Variants in LPCAT2 observed in about 807,000 individuals in gnomAD.
The protein encoded by LPCAT2 is 1-AGP acyltransferase 11.
LPCAT2 carries 58 observed loss-of-function variants against 64.7 expected under a neutral mutation model. That is an observed-to-expected ratio of 0.90 (90% confidence interval 0.73 to 1.12). LPCAT2 has a LOEUF of 1.12. Among genes scored for constraint, LPCAT2 ranks in the 50% most tolerant of loss-of-function variants. The pLI, the probability that LPCAT2 is intolerant of heterozygous loss-of-function variation, is 0.00. For missense variants in LPCAT2, 579 were observed against 669.8 expected, an observed-to-expected ratio of 0.86 and a Z score of 1.50; for synonymous variants, 252 against 245.3, an observed-to-expected ratio of 1.03 and a Z score of -0.26.
chr16:55,573,151 G>C (rs181737153), intron 11 of LPCAT2, among the ~76,000 whole-genome samples: 1 of 152,288 alleles, frequency 6.6e-6, no homozygotes, highest in Admixed American at 6.5e-5. Flanking sequence ...AAGTAATATG[G>C]TGAAAATGAT....
At chr16:55,517,513 A>C (rs1446488113) in intron 1 of LPCAT2, among the ~76,000 whole-genome samples, 3 of 152,130 alleles carry the variant, frequency 2.0e-5, no homozygotes, top group Non-Finnish European at 4.4e-5. Flanking sequence ...CTACTCTGAT[A>C]CCAAAACCAA....
intron 4 of LPCAT2, among the ~76,000 whole-genome samples, chr16:55,531,142 C>A (rs1485117698): frequency 6.6e-6 from 1 of 152,098 alleles, no homozygotes; most frequent in Admixed American, 6.5e-5. Flanking sequence ...TTATAAATAA[C>A]CTGTTATTGT....
chr16:55,527,767 G>C (rs1963192744), intron 2 of LPCAT2, among the ~76,000 whole-genome samples: 1 of 152,134 alleles, frequency 6.6e-6, no homozygotes, highest in Non-Finnish European at 1.5e-5. Flanking sequence ...CTCTGTTCCA[G>C]GGAAGTGAGA....
chr16:55,545,590 C>A lies in LPCAT2; in HGVS notation c.853-145C>A. On this transcript the variant is annotated intron_variant, in intron 8 of 13. Transcript: ENST00000262134. Reference sequence around the variant, plus strand: ...GGCTTAGAAACAGATCTCCTGAGTACAAGCCCAGTGCCCCATTACCTCATA... The same window carrying A: ...GGCTTAGAAACAGATCTCCTGAGTAAAAGCCCAGTGCCCCATTACCTCATA... 5.2e-6 allele frequency: 3 copies of A among 576,702 alleles called. No individual in the cohort carries two copies. In the South Asian group the frequency reaches 7.6e-5, roughly 15 times the overall value. 35.7% of individuals were successfully genotyped at this position (576,702 alleles called of 1,614,324 possible). A position where few individuals can be genotyped will look rare whatever the true frequency, so the allele number is the denominator to read the frequency against.
At chr16:55,515,346 A>G (rs924708329) in intron 1 of LPCAT2, among the ~76,000 whole-genome samples, 54 of 152,156 alleles carry the variant, frequency 3.5e-4, no homozygotes, top group Admixed American at 9.8e-4. Context: ...ACATATTCAA[A>G]GCGCTGAAAG....
chr16:55,578,886 C>A, intron 12 of LPCAT2: 1 of 455,952 alleles, frequency 2.2e-6, no homozygotes, highest in Non-Finnish European at 3.9e-6. Flanking sequence ...TCCCCTGTCC[C>A]TTTGTACTAT....
At chr16:55,574,824 A>AT in intron 12 of LPCAT2, 95 bp downstream of exon 12, 1 of 891,196 alleles carries the variant, frequency 1.1e-6, no homozygotes, top group South Asian at 1.4e-5. Flanking sequence ...CTATTATGTG[A>AT]TTTTATAGAT....
At chr16:55,534,253 A>C (rs1280951665) in intron 6 of LPCAT2, among the ~76,000 whole-genome samples, 190 bp from the exon 7 acceptor site, 1 of 152,166 alleles carries the variant, frequency 6.6e-6, no homozygotes, top group East Asian at 1.9e-4. Context: ...GATCTTTGCT[A>C]TGTAGATATG....
chr16:55,546,410 T>A (rs1440478990), intron 9 of LPCAT2, among the ~76,000 whole-genome samples: 1 of 152,168 alleles, frequency 6.6e-6, no homozygotes, highest in Admixed American at 6.5e-5. Context: ...CCAGGTAGCC[T>A]CAGAGCCCTC....
intron 9 of LPCAT2, among the ~76,000 whole-genome samples, chr16:55,546,334 A>AT (rs1963453077): frequency 6.6e-6 from 1 of 152,240 alleles, no homozygotes; most frequent in Non-Finnish European, 1.5e-5. Flanking sequence ...CTAACTGGCC[A>AT]TTATTCTGAC....
At chr16:55,554,468 T>C (rs764943321) in intron 11 of LPCAT2, among the ~76,000 whole-genome samples, 9 of 152,194 alleles carry the variant, frequency 5.9e-5, no homozygotes, top group Non-Finnish European at 1.2e-4. Context: ...TGCAGCTCCC[T>C]CACCTCTCAG....
intron 7 of LPCAT2, 110 bp downstream of exon 7, chr16:55,534,587 A>G (rs1360246735): frequency 5.9e-6 from 3 of 508,004 alleles, no homozygotes; most frequent in Non-Finnish European, 6.8e-6. Context: ...ATATTGTTAT[A>G]TTTAAAAACA....
intron 11 of LPCAT2, among the ~76,000 whole-genome samples, chr16:55,570,218 C>T (rs1963754039): frequency 1.3e-5 from 2 of 152,052 alleles, no homozygotes; most frequent in African/African-American, 4.8e-5. Context: ...AGCAAACTAC[C>T]AGAAACATTC....
At position 55,582,987 on chromosome 16, in the gene LPCAT2, G is replaced by T; in HGVS notation, c.1524G>T (p.Thr508=). The T allele has an allele frequency of 6.2e-7, 1 of 1,613,578 alleles. No homozygotes were observed. The highest frequency in any genetic ancestry group is 8.5e-7 in the Non-Finnish European group (1 of 1,179,702). ...TTACAACATACCTAGACCTCCAGAC[G>T]TGCCATGTGTTTTCATTACCAAAAG... ...KIFTTYLDLQ[T]CHVFSLPKEV... is the part of the protein sequence containing the mutation. Residue 508 remains threonine (T), a synonymous_variant, in exon 14 of 14, where the codon ACG becomes ACT. Transcript: ENST00000262134.
chr16:55,563,042 G>T (rs58109914), intron 11 of LPCAT2, among the ~76,000 whole-genome samples: 13,314 of 151,782 alleles, frequency 0.088, 830 homozygotes, highest in African/African-American at 0.17. Flanking sequence ...AGAAATGAAA[G>T]AGAAGACATT....
At chr16:55,528,879 A>G (rs890803373) in intron 3 of LPCAT2, among the ~76,000 whole-genome samples, 1 of 152,152 alleles carries the variant, frequency 6.6e-6, no homozygotes, top group Non-Finnish European at 1.5e-5. Context: ...GATACTATCC[A>G]TGCCTGATTT....
intron 4 of LPCAT2, 77 bp downstream of exon 4, chr16:55,530,024 C>G (rs1003098906): frequency 1.4e-5 from 14 of 1,030,588 alleles, no homozygotes; most frequent in Middle Eastern, 2.1e-4. Flanking sequence ...TCATTTGGAT[C>G]CACAGATAGC....
At chr16:55,567,048 A>G (rs768612057) in intron 11 of LPCAT2, 2 of 1,613,902 alleles carry the variant, frequency 1.2e-6, no homozygotes. Flanking sequence ...GGTGGGTGCC[A>G]CTGATCTGAT....
At chr16:55,535,006 A>C (rs1460357931) in intron 7 of LPCAT2, among the ~76,000 whole-genome samples, 2 of 152,208 alleles carry the variant, frequency 1.3e-5, no homozygotes, top group Non-Finnish European at 2.9e-5. Flanking sequence ...TTAAGAGAGA[A>C]GAGGAATACA....
Sources: gnomAD v4.1 joint callset for allele counts (sites outside exome capture counted in the v4.1 genomes callset) on GRCh38, gnomAD v4.1.1 for gene constraint, MANE v1.5 for transcripts, NCBI Gene and HGNC (gene_info 2026-07-23, HGNC 2026-07-21) for gene names.